The following MAPKAPK2 variants were observed in gnomAD, a reference collection of about 807,000 sequenced individuals.
The protein encoded by MAPKAPK2 is MAP kinase-activated protein kinase 2.
In MAPKAPK2, 9 loss-of-function variants were observed where a neutral mutation model predicts 48.8. That is an observed-to-expected ratio of 0.18 (90% CI 0.11 to 0.32). The LOEUF (loss-of-function observed/expected upper bound fraction) is 0.32, where lower values mean the gene tolerates loss of function less well. Among genes scored for constraint, MAPKAPK2 ranks in the 10% least tolerant of loss-of-function variants. The pLI is 1.00. For missense variants in MAPKAPK2, 331 were observed against 498.3 expected, an observed-to-expected ratio of 0.66 and a Z score of 3.20; for synonymous variants, 202 against 190.6, an observed-to-expected ratio of 1.06 and a Z score of -0.49.
intron 1 of MAPKAPK2, among the ~76,000 whole-genome samples, chr1:206,702,947 C>G (rs1672845469): frequency 6.6e-6 from 1 of 152,230 alleles, no homozygotes; most frequent in African/African-American, 2.4e-5. Flanking sequence ...TGCCTCCCTC[C>G]TCTGCCCTAG....
intron 1 of MAPKAPK2, among the ~76,000 whole-genome samples, chr1:206,705,793 C>T (rs948022223): frequency 2.0e-5 from 3 of 152,140 alleles, no homozygotes; most frequent in African/African-American, 4.8e-5. Flanking sequence ...TTTGAAAATT[C>T]GAGAGTCCTG....
chr1:206,724,854 CAGTT>C (rs1673655679), intron 1 of MAPKAPK2, among the ~76,000 whole-genome samples: 1 of 152,066 alleles, frequency 6.6e-6, no homozygotes, highest in African/African-American at 2.4e-5. Context: ...ATTAGAAACT[CAGTT>C]AGGTTGGGCA....
intron 1 of MAPKAPK2, among the ~76,000 whole-genome samples, chr1:206,727,713 CAG>C (rs1286667522): frequency 6.6e-6 from 1 of 152,122 alleles, no homozygotes; most frequent in African/African-American, 2.4e-5. Flanking sequence ...CTCCACCTCT[CAG>C]GGTTCACGCC....
intron 1 of MAPKAPK2, among the ~76,000 whole-genome samples, chr1:206,694,109 T>C (rs1398663909): frequency 6.6e-6 from 1 of 152,262 alleles, no homozygotes; most frequent in East Asian, 1.9e-4. Flanking sequence ...GAGTCTGACA[T>C]TGGCATTCTG....
At chr1:206,685,530 G>T in intron 1 of MAPKAPK2, 22 bp downstream of exon 1, 1 of 1,489,440 alleles carries the variant, frequency 6.7e-7, no homozygotes, top group Non-Finnish European at 9.0e-7. Flanking sequence ...GCCCGGGGAG[G>T]GGAGGCGGGG....
At chr1:206,697,580 T>C (rs1435009882) in intron 1 of MAPKAPK2, among the ~76,000 whole-genome samples, 1 of 152,078 alleles carries the variant, frequency 6.6e-6, no homozygotes, top group African/African-American at 2.4e-5. Flanking sequence ...AGATCTTCTA[T>C]GAACTCAGAG....
chr1:206,713,648 C>T (rs1318173009), intron 1 of MAPKAPK2, among the ~76,000 whole-genome samples: 4 of 152,254 alleles, frequency 2.6e-5, no homozygotes, highest in African/African-American at 9.6e-5. Flanking sequence ...GGACAGATCA[C>T]TTGAGGTCAG....
intron 1 of MAPKAPK2, among the ~76,000 whole-genome samples, chr1:206,707,666 GCTCCACTCAGATT>G (rs1423043028): frequency 1.9e-4 from 29 of 152,288 alleles, no homozygotes; most frequent in Middle Eastern, 3.4e-3. Flanking sequence ...GAACATGTTG[GCTCCACTCAGATT>G]CTGTGCCCCA....
At chr1:206,701,062 T>C (rs1329433277) in intron 1 of MAPKAPK2, among the ~76,000 whole-genome samples, 6 of 152,202 alleles carry the variant, frequency 3.9e-5, no homozygotes, top group African/African-American at 1.4e-4. Flanking sequence ...GCCTGCAGTC[T>C]TCTTTGAATT....
intron 1 of MAPKAPK2, among the ~76,000 whole-genome samples, chr1:206,723,991 T>G (rs571887555): frequency 6.6e-6 from 1 of 152,228 alleles, no homozygotes; most frequent in South Asian, 2.1e-4. Flanking sequence ...GCACAAACTG[T>G]GGGGCTGAGG....
At chr1:206,711,015 C>T (rs1269130946) in intron 1 of MAPKAPK2, among the ~76,000 whole-genome samples, 3 of 152,212 alleles carry the variant, frequency 2.0e-5, no homozygotes, top group East Asian at 1.9e-4. Flanking sequence ...TTTTAAATGT[C>T]GTGGAAAAAT....
At chr1:206,721,827 G>T (rs930864522) in intron 1 of MAPKAPK2, among the ~76,000 whole-genome samples, 2 of 152,178 alleles carry the variant, frequency 1.3e-5, no homozygotes, top group African/African-American at 2.4e-5. Context: ...TAAAACTTTT[G>T]ATCTGAGTTG....
intron 1 of MAPKAPK2, among the ~76,000 whole-genome samples, chr1:206,716,463 T>A (rs1300778495): frequency 1.3e-5 from 2 of 152,166 alleles, no homozygotes; most frequent in African/African-American, 4.8e-5. Context: ...GTCTTAGGCG[T>A]GTGGAATTGT....
At chr1:206,687,207 T>A (rs947592467) in intron 1 of MAPKAPK2, among the ~76,000 whole-genome samples, 7 of 152,258 alleles carry the variant, frequency 4.6e-5, no homozygotes, top group Non-Finnish European at 8.8e-5. Context: ...ATGTAAAGAC[T>A]TCAGAACAAA....
At chr1:206,722,309 G>T (rs1343343621) in intron 1 of MAPKAPK2, among the ~76,000 whole-genome samples, 3 of 152,042 alleles carry the variant, frequency 2.0e-5, no homozygotes, top group Admixed American at 2.0e-4. Context: ...GCAGTGAGCG[G>T]AGATCGTGCC....
chr1:206,732,568 C>T lies in MAPKAPK2; in HGVS notation c.1060-7C>T, dbSNP rs781949358. The T allele has an allele frequency of 3.3e-5, 53 of 1,613,314 alleles. No individual in the cohort carries two copies. Among genetic ancestry groups the T allele is most frequent in the Non-Finnish European group, 4.1e-5 (48 of 1,179,802 alleles). ...CTGTACCCTTCCTGGTGCTGCCGTG[C>T]CCCCAGGAGGAGATGACCAGTGCCT... is the stretch of plus-strand genomic sequence containing the variant. On this transcript the variant is annotated splice_polypyrimidine_tract_variant and splice_region_variant and intron_variant, in intron 9 of 9. Transcript: ENST00000367103. This position sits in a 1 kb window ranked among gnomAD's most constrained non-coding sequence, Gnocchi z 4.4.
At chr1:206,699,825 C>T (rs1672739746) in intron 1 of MAPKAPK2, among the ~76,000 whole-genome samples, 1 of 152,012 alleles carries the variant, frequency 6.6e-6, no homozygotes, top group Non-Finnish European at 1.5e-5. Context: ...TGGAGCTGAC[C>T]GTTAGTGCAG....
At chr1:206,694,187 G>A (rs1558573663) in intron 1 of MAPKAPK2, among the ~76,000 whole-genome samples, 2 of 152,166 alleles carry the variant, frequency 1.3e-5, no homozygotes, top group Non-Finnish European at 2.9e-5. Flanking sequence ...GATACTAATC[G>A]TGGCCTAGGA....
rs1195252164 is a variant in MAPKAPK2 at position 206,695,839 on chromosome 1, C to A, written c.279+10331C>A. 8.1e-6 allele frequency: 4 copies of A among 492,662 alleles called. No homozygotes were observed. In the East Asian group the frequency reaches 1.2e-4, roughly 15 times the overall value. The allele number at this position is 492,662 out of a possible 1,614,324, so 30.5% of individuals were successfully genotyped here. A position where few individuals can be genotyped will look rare whatever the true frequency, so the allele number is the denominator to read the frequency against. ...TTTGAGGAGTCCTGTGCACAGTGAC[C>A]ATGGCAACCCCCCTTCCTGCGGGTG... On this transcript the variant is annotated intron_variant, in intron 1 of 9. Coordinates refer to ENST00000367103, the MANE Select transcript of MAPKAPK2 (RefSeq NM_032960.4).
Sources: gnomAD v4.1 joint callset for allele counts (sites outside exome capture counted in the v4.1 genomes callset) on GRCh38, gnomAD v4.1.1 for gene constraint, Gnocchi (gnomAD v3.1) non-coding constraint, MANE v1.5 for transcripts, NCBI Gene and HGNC (gene_info 2026-07-23, HGNC 2026-07-21) for gene names.